Variants in FGFRL1 observed in about 807,000 individuals in gnomAD.
FGFRL1 encodes the protein fibroblast growth factor receptor like 1.
A neutral mutation model predicts 36.8 loss-of-function variants in FGFRL1; 24 were observed. The observed-to-expected ratio is 0.65, with a 90% CI of 0.47 to 0.92. The LOEUF is 0.92. Ranked by LOEUF, FGFRL1 falls within the 40% of genes least tolerant of loss-of-function variation. FGFRL1 has a pLI of 0.00. For synonymous variants in FGFRL1, 422 were observed against 344.1 expected (o/e 1.23, Z -2.50); for missense variants, 785 against 753.4 (o/e 1.04, Z -0.49).
At position 1,011,638 on chromosome 4, in the gene FGFRL1, G is replaced by C. The variant is rs1291362902; in HGVS notation, c.-333G>C. Reference sequence around the variant, plus strand: ...CGCTCGCTCCGGGAGAGTTGACAAAGCCCCGCAGGGAAGGACGCCTCGCGG... The same window carrying C: ...CGCTCGCTCCGGGAGAGTTGACAAACCCCCGCAGGGAAGGACGCCTCGCGG... On this transcript the variant is annotated 5_prime_UTR_variant, in exon 1 of 7. Coordinates refer to ENST00000510644, the MANE Select transcript of FGFRL1 (RefSeq NM_001004356.3). 7.4e-6 allele frequency among the ~76,000 whole-genome samples: 1 copy of C among 134,316 alleles called. No individual in the cohort carries two copies. The highest frequency in any genetic ancestry group is 2.6e-5 in the African/African-American group (1 of 38,324). The allele number at this position is 134,316 out of a possible 152,430, so 88.1% of individuals were successfully genotyped here. A position where few individuals can be genotyped will look rare whatever the true frequency, so the allele number is the denominator to read the frequency against.
chr4:1,017,410 C>T (rs149999922), intron 2 of FGFRL1, among the ~76,000 whole-genome samples: 3 of 152,296 alleles, frequency 2.0e-5, no homozygotes, highest in East Asian at 1.9e-4. Context: ...CCCTCCCCAG[C>T]GCACACTGGC....
In FGFRL1 at chr4:1,024,364, G is replaced by A. The variant is rs769387185; in HGVS notation, c.772G>A (p.Val258Met). 6.2e-7 allele frequency: 1 copy of A among 1,612,266 alleles called. No homozygotes were observed. The highest frequency in any genetic ancestry group is 8.5e-7 in the Non-Finnish European group (1 of 1,179,658). ...AGGCACGCACCCCGTGAACACGACG[G>A]TGGACTTCGGGGGGACCACGTCCTT... ...LTGTHPVNTT[V>M]DFGGTTSFQC... The change falls in exon 6 of 7, where the codon GTG becomes ATG. Residue 258 changes from valine to methionine, a missense_variant. Coordinates refer to ENST00000510644, the MANE Select transcript of FGFRL1 (RefSeq NM_001004356.3).
chr4:1,014,018 C>G (rs1715749213), intron 2 of FGFRL1, among the ~76,000 whole-genome samples: 1 of 152,236 alleles, frequency 6.6e-6, no homozygotes, highest in Non-Finnish European at 1.5e-5. Context: ...GGAGGTTCTT[C>G]CGGACTGTGC....
rs1236201630 is a variant in FGFRL1, at chr4:1,011,634, C to G, written c.-337C>G. 1.5e-5 allele frequency among the ~76,000 whole-genome samples: 2 copies of G among 137,304 alleles called. No homozygotes were observed. Among genetic ancestry groups the G allele is most frequent in the African/African-American group, 5.2e-5 (2 of 38,756 alleles). 90.1% of individuals were successfully genotyped at this position (137,304 alleles called of 152,430 possible). ...TCGGCGCTCGCTCCGGGAGAGTTGA[C>G]AAAGCCCCGCAGGGAAGGACGCCTC... is the stretch of plus-strand genomic sequence containing the variant. On this transcript the variant is annotated 5_prime_UTR_variant, in exon 1 of 7. Transcript: ENST00000510644.
chr4:1,012,703 C>T (rs1208604764), intron 2 of FGFRL1, 139 bp downstream of exon 2: 1 of 419,192 alleles, frequency 2.4e-6, no homozygotes, highest in Non-Finnish European at 4.1e-6. Flanking sequence ...AGGCCCCCTT[C>T]CTTCCAGGGC....
chr4:1,020,327 T>TG (rs1716103025), intron 2 of FGFRL1, among the ~76,000 whole-genome samples: 1 of 152,046 alleles, frequency 6.6e-6, no homozygotes, highest in Non-Finnish European at 1.5e-5. Context: ...CTGGGAACTG[T>TG]GGGGTGCCTG....
intron 2 of FGFRL1, among the ~76,000 whole-genome samples, chr4:1,017,541 C>T (rs867927384): frequency 1.6e-4 from 24 of 152,222 alleles, no homozygotes; most frequent in African/African-American, 4.8e-4. Flanking sequence ...GAGTCCCGTC[C>T]GACCTGGGCA....
At chr4:1,012,304 C>T (rs528210319) in intron 1 of FGFRL1, 166 bp from the exon 2 acceptor site, 6 of 655,558 alleles carry the variant, frequency 9.2e-6, no homozygotes, top group African/African-American at 3.9e-5. Context: ...CTTTGTCTGC[C>T]TTTGATACCC....
At chr4:1,014,996 G>C (rs543174932) in intron 2 of FGFRL1, among the ~76,000 whole-genome samples, 1 of 152,320 alleles carries the variant, frequency 6.6e-6, no homozygotes, top group East Asian at 1.9e-4. Context: ...CAGGCCCCGC[G>C]CTGCGGCCCT....
chr4:1,016,866 T>C (rs1381549245), intron 2 of FGFRL1, among the ~76,000 whole-genome samples: 1 of 152,124 alleles, frequency 6.6e-6, no homozygotes, highest in African/African-American at 2.4e-5. Context: ...TGCACTTGGC[T>C]TCCTGAGGAG....
Position 1,024,931 on chromosome 4 carries a change from G to A in FGFRL1, c.1099G>A (p.Ala367Thr). ...CCCAAAACCGCCAGGGCCACCTGTG[G>A]CCTCCTCGTCCTCGGCCACTAGCCT... ...PDPKPPGPPV[A>T]SSSSATSLPW... The change falls in exon 7 of 7, where the codon GCC becomes ACC. Residue 367 changes from alanine to threonine, a missense_variant. Physicochemically the swap from Ala to Thr is moderately conservative, Grantham distance 58. Transcript: ENST00000510644. 1 of 1,600,434 alleles carries A rather than the reference G, an allele frequency of 6.2e-7. No individual in the cohort carries two copies. Among genetic ancestry groups the A allele is most frequent in the Non-Finnish European group, 8.5e-7 (1 of 1,176,440 alleles).
In FGFRL1 at chr4:1,023,689, G is replaced by A; in HGVS notation, c.401G>A (p.Gly134Glu). 2 of 1,600,062 alleles carry A rather than the reference G, an allele frequency of 1.2e-6. No homozygotes were observed. Among genetic ancestry groups the A allele is most frequent in the East Asian group, 2.2e-5 (1 of 44,456 alleles). Residue 134 changes from glycine to glutamate, a missense_variant, in exon 4 of 7, where the codon GGG (glycine) becomes GAG (glutamate). Transcript: ENST00000510644. This position sits in a 1 kb window ranked among gnomAD's most constrained non-coding sequence, Gnocchi z 6.0. ...AGCCTGGGGCCCGACAGCTCCTCTG[G>A]GGGTCAAGAGGACCCCGCCAGCCAG... ...KESLGPDSSS[G>E]GQEDPASQQW...
At position 1,011,876 on chromosome 4, in the gene FGFRL1, C is replaced by G. The variant is rs977766751; in HGVS notation, c.-95C>G. 6.9e-6 allele frequency: 1 copy of G among 144,992 alleles called. No individual in the cohort carries two copies. The highest frequency in any genetic ancestry group is 1.5e-5 in the Non-Finnish European group (1 of 65,398). The allele number at this position is 144,992 out of a possible 1,614,324, so 9.0% of individuals were successfully genotyped here. A position where few individuals can be genotyped will look rare whatever the true frequency, so the allele number is the denominator to read the frequency against. ...GCGCGGGGCGGCGGGATGCGGCGCC[C>G]GGGGCGGCGATGACCGCGGAGCGCA... On this transcript the variant is annotated 5_prime_UTR_variant, in exon 1 of 7. Coordinates refer to ENST00000510644, the MANE Select transcript of FGFRL1 (RefSeq NM_001004356.3).
Position 1,022,366 on chromosome 4 carries a change from G to A in FGFRL1, c.243G>A (p.Pro81=), listed in dbSNP as rs1264450730. The A allele has an allele frequency of 1.7e-5, 27 of 1,609,330 alleles. No homozygotes were observed. The highest frequency in any genetic ancestry group is 1.7e-4 in the Middle Eastern group (1 of 6,040). The change falls in exon 3 of 7, where the codon CCG becomes CCA. Residue 81 remains proline (P), a synonymous_variant. Transcript: ENST00000510644. The part of the protein sequence containing the change: ...HSGWSRFRVL[P]QGLKVKQVER... ...GCTGGAGCCGCTTCCGCGTGCTGCC[G>A]CAGGGGCTGAAGGTGAAGCAGGTGG...
intron 2 of FGFRL1, among the ~76,000 whole-genome samples, chr4:1,020,372 G>A (rs1471049366): frequency 6.6e-6 from 1 of 152,042 alleles, no homozygotes; most frequent in African/African-American, 2.4e-5. Context: ...CAGTGAGTGG[G>A]CTGTGGTCGC....
In FGFRL1 at chr4:1,024,522, C is replaced by T. The variant is rs142743042; in HGVS notation, c.930C>T (p.Asp310=). The T allele has an allele frequency of 2.1e-5, 34 of 1,612,494 alleles. No homozygotes were observed. Among genetic ancestry groups the T allele is most frequent in the South Asian group, 8.8e-5 (8 of 91,084 alleles). The change falls in exon 6 of 7, where the codon GAC becomes GAT. Residue 310 remains aspartate (D), a synonymous_variant. Transcript: ENST00000510644. The part of the protein sequence containing the change: ...GQKFVVLPTG[D]VWSRPDGSYL... ...AGTTTGTGGTGCTGCCCACGGGTGA[C>T]GTGTGGTCGCGGCCCGACGGCTCCT...
In FGFRL1 at chr4:1,024,106, G is replaced by T; in HGVS notation, c.718+5G>T. 2 of 1,548,288 alleles carry T rather than the reference G, an allele frequency of 1.3e-6. No homozygotes were observed. ...CCTACAAGGTGGATGTGATCCGTGA[G>T]TGTGGCCCCGGGCGCTGGCGGGCGG... On this transcript the variant is annotated splice_donor_5th_base_variant and intron_variant, in intron 5 of 6. Transcript: ENST00000510644.
rs1315196769 is a variant in FGFRL1, at chr4:1,025,495, C to T, written c.*148C>T. ...GCAGTCTGTGTGTGAGGCATAGCCC[C>T]TGGACACACACACACAGACACACAC... On this transcript the variant is annotated 3_prime_UTR_variant, in exon 7 of 7. Transcript: ENST00000510644. 2 of 896,482 alleles carry T rather than the reference C, an allele frequency of 2.2e-6. No individual in the cohort carries two copies. Among genetic ancestry groups the T allele is most frequent in the Non-Finnish European group, 3.4e-6 (2 of 593,276 alleles). The allele number at this position is 896,482 out of a possible 1,614,324, so 55.5% of individuals were successfully genotyped here.
At chr4:1,016,813 C>T (rs954833188) in intron 2 of FGFRL1, among the ~76,000 whole-genome samples, 3 of 152,184 alleles carry the variant, frequency 2.0e-5, no homozygotes, top group Admixed American at 6.5e-5. Context: ...CAGCAGGCTG[C>T]GTGGCGGTCA....
Sources: allele counts gnomAD v4.1 joint callset (sites outside exome capture counted in the v4.1 genomes callset), GRCh38; gene constraint gnomAD v4.1.1; non-coding constraint Gnocchi (gnomAD v3.1); transcripts MANE v1.5; gene names NCBI Gene and HGNC (gene_info 2026-07-23, HGNC 2026-07-21).